ZNF423: variants seen among roughly 807,000 people sequenced by gnomAD.
The protein encoded by ZNF423 is Ebf-associated zinc finger protein.
In ZNF423, 12 loss-of-function variants were observed where a neutral mutation model predicts 95.8. That is an observed-to-expected ratio of 0.13 (90% CI 0.08 to 0.20). The LOEUF is 0.20. Ranked by LOEUF, ZNF423 falls within the 10% of genes least tolerant of loss-of-function variation. The pLI, the probability that ZNF423 is intolerant of heterozygous loss-of-function variation, is 1.00. For synonymous variants in ZNF423, 749 were observed against 711.9 expected, an observed-to-expected ratio of 1.05 and a Z score of -0.83; for missense variants, 1,316 against 1,737.1, an observed-to-expected ratio of 0.76 and a Z score of 4.31.
chr16:49,582,694 G>C (rs1010392402), intron 5 of ZNF423, among the ~76,000 whole-genome samples: 2 of 152,214 alleles, frequency 1.3e-5, no homozygotes, highest in East Asian at 1.9e-4. Flanking sequence ...GGAGTCAAGA[G>C]GGGTTAGAGA....
At chr16:49,848,315 C>A (rs895864192) in intron 1 of ZNF423, among the ~76,000 whole-genome samples, 1 of 152,196 alleles carries the variant, frequency 6.6e-6, no homozygotes, top group Non-Finnish European at 1.5e-5. Context: ...TGGGGATCCA[C>A]TCATCTGTAT....
chr16:49,691,689 A>G (rs139242128), intron 3 of ZNF423, among the ~76,000 whole-genome samples: 2,893 of 151,800 alleles, frequency 0.019, 94 homozygotes, highest in African/African-American at 0.065. Flanking sequence ...CCGAGATCGC[A>G]CCACTGCACT....
intron 3 of ZNF423, among the ~76,000 whole-genome samples, chr16:49,667,613 G>A (rs2030605634): frequency 6.6e-6 from 1 of 152,258 alleles, no homozygotes; most frequent in African/African-American, 2.4e-5. Flanking sequence ...TGGGCACAGT[G>A]GCCCATGCCT....
At chr16:49,794,098 G>A (rs1013943968) in intron 1 of ZNF423, among the ~76,000 whole-genome samples, 4 of 152,038 alleles carry the variant, frequency 2.6e-5, no homozygotes, top group African/African-American at 9.7e-5. Context: ...GTGCAGTGGT[G>A]TGATCACAGC....
chr16:49,646,568 C>CTTTTTTTTTTTTTTTTTTTTTTTTT (rs1194511671), intron 3 of ZNF423, among the ~76,000 whole-genome samples: 11 of 120,736 alleles, frequency 9.1e-5, no homozygotes, highest in Non-Finnish European at 1.6e-4. Context: ...ATTTTCTTTT[C>CTTTTTTTTTTTTTTTTTTTTTTTTT]TTTTTCTTTT....
At chr16:49,541,463 A>G (rs1157493229) in intron 5 of ZNF423, among the ~76,000 whole-genome samples, 1 of 152,202 alleles carries the variant, frequency 6.6e-6, no homozygotes, top group African/African-American at 2.4e-5. Flanking sequence ...GAATGACTAT[A>G]TTTGTGTGTG....
intron 1 of ZNF423, among the ~76,000 whole-genome samples, chr16:49,802,182 G>T (rs891803173): frequency 6.6e-6 from 1 of 151,938 alleles, no homozygotes; most frequent in Admixed American, 6.6e-5. Flanking sequence ...ATTTTACTTC[G>T]GCCTCCAACA....
intron 2 of ZNF423, among the ~76,000 whole-genome samples, chr16:49,753,327 C>T (rs1505113): frequency 0.15 from 23,501 of 151,752 alleles, 1,938 homozygotes; most frequent in South Asian, 0.26. Context: ...GGAGGCTAGG[C>T]GCGGTGGCTC....
At chr16:49,779,125 A>G (rs1385261358) in intron 2 of ZNF423, among the ~76,000 whole-genome samples, 2 of 152,110 alleles carry the variant, frequency 1.3e-5, no homozygotes, top group Non-Finnish European at 2.9e-5. Flanking sequence ...ATCTTGGCAG[A>G]CATTTGCCAG....
intron 5 of ZNF423, among the ~76,000 whole-genome samples, chr16:49,545,083 G>C (rs1969393991): frequency 6.6e-6 from 1 of 152,236 alleles, no homozygotes; most frequent in African/African-American, 2.4e-5. Context: ...TGTCCCACGT[G>C]GCTGATCCAG....
intron 5 of ZNF423, among the ~76,000 whole-genome samples, chr16:49,549,264 G>T (rs553451877): frequency 6.6e-6 from 1 of 152,180 alleles, no homozygotes; most frequent in Non-Finnish European, 1.5e-5. Flanking sequence ...AAAGACTGAG[G>T]GTGGGAACAG....
intron 2 of ZNF423, among the ~76,000 whole-genome samples, chr16:49,741,978 T>C (rs1230890839): frequency 1.3e-5 from 2 of 152,134 alleles, no homozygotes; most frequent in Admixed American, 6.5e-5. Flanking sequence ...AGCAGTGAGC[T>C]CCCTAAACGT....
chr16:49,734,970 G>A (rs960690183), intron 2 of ZNF423, among the ~76,000 whole-genome samples: 1 of 152,166 alleles, frequency 6.6e-6, no homozygotes, highest in African/African-American at 2.4e-5. Flanking sequence ...ACAGAGAAGT[G>A]GTGGGGCTGA....
intron 7 of ZNF423, among the ~76,000 whole-genome samples, chr16:49,497,151 G>A (rs1489449790): frequency 6.6e-6 from 1 of 152,168 alleles, no homozygotes; most frequent in Non-Finnish European, 1.5e-5. Flanking sequence ...CAGCCTCAGG[G>A]AGACTCCACA....
intron 7 of ZNF423, among the ~76,000 whole-genome samples, chr16:49,513,618 T>C (rs1407865769): frequency 6.7e-6 from 1 of 149,086 alleles, no homozygotes; most frequent in East Asian, 2.0e-4. Flanking sequence ...TCAAAAAATA[T>C]GTTAACACAT....
At chr16:49,750,617 C>T (rs1282120905) in intron 2 of ZNF423, among the ~76,000 whole-genome samples, 5 of 152,206 alleles carry the variant, frequency 3.3e-5, no homozygotes, top group South Asian at 2.1e-4. Context: ...GACCCTGCAA[C>T]GTGCCAGGGA....
chr16:49,775,732 G>T (rs541871304), intron 2 of ZNF423, among the ~76,000 whole-genome samples: 4 of 152,310 alleles, frequency 2.6e-5, no homozygotes, highest in Admixed American at 2.0e-4. Context: ...AGTCCTGGAA[G>T]TCAGGGACCC....
At chr16:49,786,482 C>G (rs965771797) in intron 2 of ZNF423, among the ~76,000 whole-genome samples, 1 of 152,254 alleles carries the variant, frequency 6.6e-6, no homozygotes, top group African/African-American at 2.4e-5. Context: ...TGCTCCATGC[C>G]TTACAGCTCT....
At chr16:49,664,112 C>T (rs920891596) in intron 3 of ZNF423, 5 of 985,574 alleles carry the variant, frequency 5.1e-6, no homozygotes, top group East Asian at 1.1e-4. Flanking sequence ...CTCACCAGGG[C>T]GTCCCAGGGC....
Sources: gnomAD v4.1 joint callset for allele counts (sites outside exome capture counted in the v4.1 genomes callset) on GRCh38, gnomAD v4.1.1 for gene constraint, MANE v1.5 for transcripts, NCBI Gene and HGNC (gene_info 2026-07-23, HGNC 2026-07-21) for gene names.